The following CHD2 variants were observed in gnomAD, a reference collection of about 807,000 sequenced individuals.
CHD2 encodes the protein chromodomain helicase DNA binding protein 2.
In CHD2, 28 loss-of-function variants were observed where a neutral mutation model predicts 243.9. The ratio of observed to expected loss-of-function variants is 0.11; its 90% CI spans 0.09 to 0.16. The LOEUF (loss-of-function observed/expected upper bound fraction) is 0.16. CHD2 is among the 10% of genes least tolerant of loss of function. The pLI is 1.00. For synonymous variants in CHD2, 775 were observed against 779.0 expected (o/e 0.99, Z 0.09); for missense variants, 1,386 against 2,209.8 (o/e 0.63, Z 7.47).
At chr15:93,014,669 C>T (rs1157357272) in intron 36 of CHD2, 27 bp from the exon 37 acceptor site, 3 of 1,601,190 alleles carry the variant, frequency 1.9e-6, no homozygotes, top group Non-Finnish European at 1.7e-6. Flanking sequence ...GGATCTTGAG[C>T]TTCTTTGGTT....
Position 92,971,801 on chromosome 15 carries a change from A to G in CHD2, c.2226A>G (p.Lys742=), listed in dbSNP as rs1349475033. 1 of 1,613,576 alleles carries G rather than the reference A, an allele frequency of 6.2e-7. No individual in the cohort carries two copies. Among genetic ancestry groups the G allele is most frequent in the Non-Finnish European group, 8.5e-7 (1 of 1,179,860 alleles). ...ILTRNYKALA[K]GTRGSTSGFL... Reference sequence around the variant, plus strand: ...CCAGGAATTACAAGGCTCTTGCCAAAGGAACAAGAGGCAGCACATCTGGTT... The same window carrying G: ...CCAGGAATTACAAGGCTCTTGCCAAGGGAACAAGAGGCAGCACATCTGGTT... Residue 742 remains lysine, a synonymous_variant, in exon 18 of 39, where the codon AAA becomes AAG. Transcript: ENST00000394196.
At chr15:92,915,314 G>T (rs1443630786) in intron 2 of CHD2, among the ~76,000 whole-genome samples, 2 of 151,254 alleles carry the variant, frequency 1.3e-5, no homozygotes, top group Admixed American at 1.3e-4. Context: ...TCGCTCTGTT[G>T]CCCAGGCTGG....
chr15:92,914,497 C>T (rs910523093), intron 2 of CHD2, among the ~76,000 whole-genome samples: 2 of 152,152 alleles, frequency 1.3e-5, no homozygotes, highest in African/African-American at 4.8e-5. Context: ...TATTGGGGAG[C>T]AGAAGTAGTA....
intron 13 of CHD2, among the ~76,000 whole-genome samples, chr15:92,949,574 T>C (rs989220618): frequency 6.6e-6 from 1 of 152,190 alleles, no homozygotes; most frequent in African/African-American, 2.4e-5. Context: ...AGAGGAAGGT[T>C]GAACCTGTGA....
At chr15:92,971,953 C>G in intron 18 of CHD2, 26 bp downstream of exon 18, 7 of 1,583,308 alleles carry the variant, frequency 4.4e-6, no homozygotes, top group Non-Finnish European at 6.0e-6. Flanking sequence ...TAATTACTTT[C>G]TCAAAAAAAA....
intron 6 of CHD2, among the ~76,000 whole-genome samples, chr15:92,937,896 C>A (rs749839579): frequency 5.3e-5 from 8 of 152,186 alleles, no homozygotes; most frequent in Admixed American, 5.2e-4. Context: ...TTTGGGAGAA[C>A]AAATTGTTTA....
chr15:92,933,993 T>C (rs1186891031), intron 5 of CHD2, among the ~76,000 whole-genome samples: 1 of 152,358 alleles, frequency 6.6e-6, no homozygotes, highest in African/African-American at 2.4e-5. Flanking sequence ...CTGTTGATCA[T>C]TGGAATTTTT....
At position 92,972,475 on chromosome 15, in the gene CHD2, C is replaced by G. The variant is rs574671770; in HGVS notation, c.2505+58C>G. The G allele has an allele frequency of 2.7e-5, 38 of 1,423,776 alleles. No homozygotes were observed. The Admixed American group carries it at 5.8e-4, about 22-fold the overall frequency. The allele number at this position is 1,423,776 out of a possible 1,614,324, so 88.2% of individuals were successfully genotyped here. The stretch of plus-strand genomic sequence containing the variant: ...ATCAATCTCTCTCTCCGCCTCCCCT[C>G]CCCAACCTTCCTACACTGGGTTGTA... On this transcript the variant is annotated intron_variant, in intron 19 of 38. Coordinates refer to ENST00000394196, the MANE Select transcript of CHD2 (RefSeq NM_001271.4).
At chr15:92,975,786 C>T (rs564188358) in intron 20 of CHD2, among the ~76,000 whole-genome samples, 2 of 152,060 alleles carry the variant, frequency 1.3e-5, no homozygotes, top group Non-Finnish European at 2.9e-5. Flanking sequence ...TGTAGAAATC[C>T]TAGTTAGACT....
intron 3 of CHD2, among the ~76,000 whole-genome samples, chr15:92,925,703 C>T (rs926375854): frequency 1.3e-5 from 2 of 152,142 alleles, no homozygotes; most frequent in Non-Finnish European, 2.9e-5. Context: ...TGTTTACTGC[C>T]TCTACCTATA....
intron 19 of CHD2, among the ~76,000 whole-genome samples, chr15:92,974,352 C>T (rs1010701916): frequency 2.0e-5 from 3 of 152,086 alleles, no homozygotes; most frequent in Non-Finnish European, 4.4e-5. Flanking sequence ...TTTGGCAAAG[C>T]TGGGATATAT....
intron 5 of CHD2, among the ~76,000 whole-genome samples, chr15:92,933,457 C>G (rs1341279377): frequency 6.6e-6 from 1 of 152,144 alleles, no homozygotes; most frequent in Non-Finnish European, 1.5e-5. Flanking sequence ...GACTTAGAGT[C>G]ATACAAACAA....
intron 16 of CHD2, among the ~76,000 whole-genome samples, chr15:92,959,737 C>T (rs917240785): frequency 3.3e-5 from 5 of 152,206 alleles, no homozygotes; most frequent in South Asian, 2.1e-4. Flanking sequence ...AGTGATCCAC[C>T]GTCCTTGGCC....
At chr15:92,981,024 G>C in intron 23 of CHD2, 113 bp downstream of exon 23, 1 of 738,828 alleles carries the variant, frequency 1.4e-6, no homozygotes, top group Non-Finnish European at 2.3e-6. Flanking sequence ...GTAATTACTT[G>C]AAGGACAGTG....
chr15:92,999,037 T>TA (rs1392654462), intron 31 of CHD2, among the ~76,000 whole-genome samples: 1 of 130,344 alleles, frequency 7.7e-6, no homozygotes, highest in African/African-American at 3.0e-5. Context: ...TGAGCCGAGT[T>TA]CGGGCCACTG....
intron 16 of CHD2, among the ~76,000 whole-genome samples, chr15:92,958,210 C>T (rs1232421845): frequency 6.6e-6 from 1 of 152,188 alleles, no homozygotes; most frequent in Non-Finnish European, 1.5e-5. Flanking sequence ...TACCATTGTG[C>T]AGTCCTACCA....
rs374874216 is a variant in CHD2, at chr15:92,996,378, T to G, written c.3596-579T>G. 2.6e-3 allele frequency among the ~76,000 whole-genome samples: 395 copies of G among 152,152 alleles called. 4 individuals are homozygous for G. Among genetic ancestry groups the G allele is most frequent in the African/African-American group, 9.1e-3 (376 of 41,532 alleles). The stretch of plus-strand genomic sequence containing the variant: ...GGTTTCACTGTGTTAGCCAGTATGG[T>G]CTCGATCTCCTGACCTCGTGATCTG... On this transcript the variant is annotated intron_variant, in intron 28 of 38. Transcript: ENST00000394196.
chr15:92,931,020 GATTA>G (rs1262522483), intron 5 of CHD2, among the ~76,000 whole-genome samples: 1 of 152,156 alleles, frequency 6.6e-6, no homozygotes, highest in Non-Finnish European at 1.5e-5. Context: ...ATTCCTGAAA[GATTA>G]ATTAGGGGAG....
intron 3 of CHD2, among the ~76,000 whole-genome samples, chr15:92,925,037 G>A (rs1321519496): frequency 1.3e-5 from 2 of 152,116 alleles, no homozygotes; most frequent in African/African-American, 4.8e-5. Context: ...CTGACCTCAG[G>A]TGATCCACCT....
Sources: allele counts gnomAD v4.1 joint callset (sites outside exome capture counted in the v4.1 genomes callset), GRCh38; gene constraint gnomAD v4.1.1; transcripts MANE v1.5; gene names NCBI Gene and HGNC (gene_info 2026-07-23, HGNC 2026-07-21).